Variants in ZFHX2 observed in about 807,000 individuals in gnomAD.
The protein encoded by ZFHX2 is zinc finger homeobox 2, also known as zinc finger homeobox protein 2.
ZFHX2 carries 75 observed loss-of-function variants against 164.8 expected under a neutral mutation model. The ratio of observed to expected loss-of-function variants is 0.46; its 90% CI spans 0.38 to 0.55. ZFHX2 has a LOEUF of 0.55. Ranked by LOEUF, ZFHX2 falls within the 20% of genes least tolerant of loss-of-function variation. The pLI is 0.00. For missense variants in ZFHX2, 2,933 were observed against 3,308.0 expected (o/e 0.89, Z 2.78); for synonymous variants, 1,217 against 1,351.4 (o/e 0.90, Z 2.18).
intron 5 of ZFHX2, 26 bp downstream of exon 5, chr14:23,530,094 C>CT: frequency 6.5e-7 from 1 of 1,528,152 alleles, no homozygotes; most frequent in Non-Finnish European, 8.8e-7. Flanking sequence ...GGTAGGAGGA[C>CT]TGGGGGGAAG....
In ZFHX2 at chr14:23,523,941, G is replaced by GAGGT; in HGVS notation, c.5997_6000dup (p.Pro2001ThrfsTer7). The GAGGT allele has an allele frequency of 6.5e-7, 1 of 1,535,996 alleles. No homozygotes were observed. The highest frequency in any genetic ancestry group is 8.7e-7 in the Non-Finnish European group (1 of 1,146,758). On this transcript the variant is annotated frameshift_variant, in exon 9 of 10. Coordinates refer to ENST00000419474, the MANE Select transcript of ZFHX2 (RefSeq NM_033400.3). LOFTEE classifies it high-confidence loss of function. The surrounding 1 kb of genome is among the most constrained non-coding windows in gnomAD (Gnocchi z 4.1). ...CCCTCTTCCTCACTGGGTGGAGGGG[G>GAGGT]AGGTAGGAGAGGTAGAGGTGGCTCT... is the stretch of plus-strand genomic sequence containing the variant.
chr14:23,552,969 C>T (rs1882086783), upstream of ZFHX2, among the ~76,000 whole-genome samples: 3 of 152,138 alleles, frequency 2.0e-5, no homozygotes, highest in South Asian at 6.2e-4. Flanking sequence ...AGCACTTTTA[C>T]ATACATTGTT....
At position 23,534,180 on chromosome 14, in the gene ZFHX2, A is replaced by G. The variant is rs2138790591; in HGVS notation, c.1146T>C (p.Asp382=). Residue 382 remains aspartate, a synonymous_variant, in exon 2 of 10, where the codon GAT becomes GAC. Coordinates refer to ENST00000419474, the MANE Select transcript of ZFHX2 (RefSeq NM_033400.3). This position sits in a 1 kb window ranked among gnomAD's most constrained non-coding sequence, Gnocchi z 4.5. ...PDWFPEGQEE[D]GGLCPPLNQS... ...GGTTGAGTGGGGGGCAGAGCCCTCC[A>G]TCCTCTTCTTGCCCCTCAGGGAACC... The G allele has an allele frequency of 6.8e-7, 1 of 1,476,282 alleles. No individual in the cohort carries two copies. Among genetic ancestry groups the G allele is most frequent in the East Asian group, 2.5e-5 (1 of 40,418 alleles). 91.4% of individuals were successfully genotyped at this position (1,476,282 alleles called of 1,614,324 possible). A position where few individuals can be genotyped will look rare whatever the true frequency, so the allele number is the denominator to read the frequency against.
chr14:23,555,387 G>A (rs1190065052), upstream of ZFHX2, among the ~76,000 whole-genome samples: 6 of 152,132 alleles, frequency 3.9e-5, no homozygotes, highest in Non-Finnish European at 7.4e-5. Flanking sequence ...CCTCAGTCTA[G>A]CACTCAAGGC....
At chr14:23,529,208 G>A (rs1293646372) in intron 6 of ZFHX2, among the ~76,000 whole-genome samples, 1 of 152,186 alleles carries the variant, frequency 6.6e-6, no homozygotes, top group East Asian at 1.9e-4. Context: ...GAGTCCTGGG[G>A]ATTTAGAGAT....
rs932961746 is a variant in ZFHX2 at position 23,524,829 on chromosome 14, C to T, written c.5113G>A (p.Ala1705Thr). ...DQTLEEEEEE[A>T]ERGEEEEEVE... ...TCTTCCTCCTCTTCCCCTCTCTCTG[C>T]CTCTTCCTCCTCCTCTTCAAGGGTC... is the stretch of plus-strand genomic sequence containing the variant. The change falls in exon 9 of 10, where the codon GCA becomes ACA. Residue 1705 changes from alanine to threonine, a missense_variant. By Grantham distance (58) the Ala-to-Thr change is moderately conservative (BLOSUM62 0). Transcript: ENST00000419474. This position sits in a 1 kb window ranked among gnomAD's most constrained non-coding sequence, Gnocchi z 5.6. The T allele has an allele frequency of 6.5e-7, 1 of 1,537,058 alleles. No homozygotes were observed. The highest frequency in any genetic ancestry group is 1.2e-5 in the South Asian group (1 of 84,078).
At position 23,524,351 on chromosome 14, in the gene ZFHX2, A is replaced by T; in HGVS notation, c.5591T>A (p.Ile1864Asn). Reference protein sequence around the residue: ...PPRDKRLRTTILPEQLEILYR... With the variant: ...PPRDKRLRTTNLPEQLEILYR... ...CAGGATCTCTAGCTGCTCAGGCAAG[A>T]TGGTGGTGCGCAGGCGCTTGTCCCT... Residue 1864 changes from isoleucine to asparagine, a missense_variant, in exon 9 of 10, where the codon ATC (isoleucine) becomes AAC (asparagine). Coordinates refer to ENST00000419474, the MANE Select transcript of ZFHX2 (RefSeq NM_033400.3). The surrounding 1 kb of genome is among the most constrained non-coding windows in gnomAD (Gnocchi z 5.6). 2 of 1,536,254 alleles carry T rather than the reference A, an allele frequency of 1.3e-6. No homozygotes were observed. The highest frequency in any genetic ancestry group is 1.7e-6 in the Non-Finnish European group (2 of 1,146,936).
intron 3 of ZFHX2, chr14:23,531,926 G>GC (rs2138767416): frequency 1.8e-6 from 1 of 558,144 alleles, no homozygotes; most frequent in East Asian, 3.7e-5. Flanking sequence ...ACAGGCATGC[G>GC]CACCACACCT....
Position 23,525,057 on chromosome 14 carries a change from C to T in ZFHX2, c.4885G>A (p.Ala1629Thr), listed in dbSNP as rs1030649082. The T allele has an allele frequency of 1.4e-5, 21 of 1,536,036 alleles. No homozygotes were observed. Among genetic ancestry groups the T allele is most frequent in the East Asian group, 2.4e-5 (1 of 40,924 alleles). ...YPKDGEVERL[A>T]SLLGLASRVV... ...CGGCTAGCCAGACCCAACAGACTTG[C>T]GAGTCGCTCCACCTCTCCGTCTTTG... The change falls in exon 9 of 10, where the codon GCA (alanine) becomes ACA (threonine). Residue 1629 changes from alanine to threonine, a missense_variant. Physicochemically the swap from Ala to Thr is moderately conservative, Grantham distance 58 (BLOSUM62 0). Coordinates refer to ENST00000419474, the MANE Select transcript of ZFHX2 (RefSeq NM_033400.3). The surrounding 1 kb of genome is among the most constrained non-coding windows in gnomAD (Gnocchi z 5.9).
chr14:23,545,603 T>C (rs1312891658), intron 1 of ZFHX2, among the ~76,000 whole-genome samples: 1 of 152,220 alleles, frequency 6.6e-6, no homozygotes, highest in Non-Finnish European at 1.5e-5. Flanking sequence ...TAATTTCAAG[T>C]GCACTTCTTT....
rs1280501844 is a variant in ZFHX2, at chr14:23,532,699, A to G, written c.2427T>C (p.Asp809=). The G allele has an allele frequency of 1.3e-6, 2 of 1,532,004 alleles. No individual in the cohort carries two copies. The highest frequency in any genetic ancestry group is 3.9e-5 in the Admixed American group (2 of 50,832). The allele number at this position is 1,532,004 out of a possible 1,614,324, so 94.9% of individuals were successfully genotyped here. A position where few individuals can be genotyped will look rare whatever the true frequency, so the allele number is the denominator to read the frequency against. The change falls in exon 3 of 10, where the codon GAT becomes GAC. Residue 809 remains aspartate, a synonymous_variant. Transcript: ENST00000419474. ...GGGAGACAGACCCATAAGGAGCCCCATCTCCCAGGGATGCTGGGGAAGGGG... is the reference window on the plus strand; with the variant it reads ...GGGAGACAGACCCATAAGGAGCCCCGTCTCCCAGGGATGCTGGGGAAGGGG... ...MGTPSPASLG[D]GAPYGSVSPL... is the part of the protein sequence containing the mutation.
Position 23,523,127 on chromosome 14 carries a change from A to G in ZFHX2, c.6739+76T>C. 4 of 1,400,016 alleles carry G rather than the reference A, an allele frequency of 2.9e-6. No homozygotes were observed. Among genetic ancestry groups the G allele is most frequent in the Non-Finnish European group, 3.7e-6 (4 of 1,082,490 alleles). 86.7% of individuals were successfully genotyped at this position (1,400,016 alleles called of 1,614,324 possible). On this transcript the variant is annotated intron_variant, in intron 9 of 9. Coordinates refer to ENST00000419474, the MANE Select transcript of ZFHX2 (RefSeq NM_033400.3). The surrounding 1 kb of genome is among the most constrained non-coding windows in gnomAD (Gnocchi z 4.1). ...CAGGAGATTGGGCATGGGAAGAATC[A>G]GGAAGGAAAAGGAAGGGCATGTCAT...
At chr14:23,542,377 C>T (rs1880915101) in intron 1 of ZFHX2, 2 of 151,662 alleles carry the variant, frequency 1.3e-5, no homozygotes, top group African/African-American at 4.9e-5. Context: ...CACACGTTCA[C>T]ATTTGCATGG....
intron 3 of ZFHX2, 73 bp from the exon 4 acceptor site, chr14:23,531,794 T>C (rs1566582809): frequency 5.5e-6 from 7 of 1,265,514 alleles, no homozygotes; most frequent in African/African-American, 1.5e-5. Context: ...TTTTTTTTTT[T>C]CTAGAGAGAG....
chr14:23,532,627 C>G lies in ZFHX2; in HGVS notation c.2499G>C (p.Lys833Asn). The G allele has an allele frequency of 6.8e-7, 1 of 1,463,324 alleles. No individual in the cohort carries two copies. The highest frequency in any genetic ancestry group is 9.0e-7 in the Non-Finnish European group (1 of 1,109,460). 90.6% of individuals were successfully genotyped at this position (1,463,324 alleles called of 1,614,324 possible). A position where few individuals can be genotyped will look rare whatever the true frequency, so the allele number is the denominator to read the frequency against. Residue 833 changes from lysine (K) to asparagine (N), a missense_variant, in exon 3 of 10, where the codon AAG (lysine) becomes AAC (asparagine). Coordinates refer to ENST00000419474, the MANE Select transcript of ZFHX2 (RefSeq NM_033400.3). ...CNICDFESNS[K>N]EKMQLHARGA... The stretch of plus-strand genomic sequence containing the variant: ...CCCTGGCATGCAGCTGCATCTTCTC[C>G]TTGCTGTTGGACTCAAAGTCACAGA...
chr14:23,526,054 C>T lies in ZFHX2; in HGVS notation c.3888G>A (p.Lys1296=). 6.5e-7 allele frequency: 1 copy of T among 1,536,498 alleles called. No individual in the cohort carries two copies. Among genetic ancestry groups the T allele is most frequent in the Non-Finnish European group, 8.7e-7 (1 of 1,146,950 alleles). Residue 1296 remains lysine (K), a synonymous_variant, in exon 9 of 10, where the codon AAG becomes AAA. Coordinates refer to ENST00000419474, the MANE Select transcript of ZFHX2 (RefSeq NM_033400.3). ...CCACCTCCCCCTCTGTCTCGCCTTCCTTGGGCTCTTCTTGGCTGCGTTCTG... is the reference window on the plus strand; with the variant it reads ...CCACCTCCCCCTCTGTCTCGCCTTCTTTGGGCTCTTCTTGGCTGCGTTCTG... ...EGPERSQEEP[K]EGETEGEVGT...
Position 23,523,329 on chromosome 14 carries a change from G to A in ZFHX2, c.6613C>T (p.Pro2205Ser). ...PEAPPALKAPPATTPASMPLG... is the reference protein window; with the variant it reads ...PEAPPALKAPSATTPASMPLG... ...GGCATGGAGGCAGGTGTGGTGGCAG[G>A]TGGGGCCTTGAGAGCTGGGGGAGCC... Residue 2205 changes from proline (P) to serine (S), a missense_variant, in exon 9 of 10, where the codon CCT becomes TCT. Coordinates refer to ENST00000419474, the MANE Select transcript of ZFHX2 (RefSeq NM_033400.3). The surrounding 1 kb of genome is among the most constrained non-coding windows in gnomAD (Gnocchi z 4.1). 6.9e-7 allele frequency: 1 copy of A among 1,457,588 alleles called. No individual in the cohort carries two copies. The highest frequency in any genetic ancestry group is 9.0e-7 in the Non-Finnish European group (1 of 1,108,484). The allele number at this position is 1,457,588 out of a possible 1,614,324, so 90.3% of individuals were successfully genotyped here. A position where few individuals can be genotyped will look rare whatever the true frequency, so the allele number is the denominator to read the frequency against.
In ZFHX2 at chr14:23,524,557, A is replaced by G; in HGVS notation, c.5385T>C (p.Ser1795=). 7 of 1,532,104 alleles carry G rather than the reference A, an allele frequency of 4.6e-6. No homozygotes were observed. The highest frequency in any genetic ancestry group is 5.2e-6 in the Non-Finnish European group (6 of 1,144,504). 94.9% of individuals were successfully genotyped at this position (1,532,104 alleles called of 1,614,324 possible). Residue 1795 remains serine (S), a synonymous_variant, in exon 9 of 10, where the codon TCT becomes TCC. Transcript: ENST00000419474. The surrounding 1 kb of genome is among the most constrained non-coding windows in gnomAD (Gnocchi z 5.6). The part of the protein sequence containing the change: ...TSHRRLHFLP[S]LQPSAPPQLL... ...GTTGGGGGGGAGCACTGGGCTGCAG[A>G]GATGGCAGGAAATGTAGTCGGCGGT...
rs777700251 is a variant in ZFHX2 at position 23,527,675 on chromosome 14, G to A, written c.3064C>T (p.Pro1022Ser). 3 of 1,536,330 alleles carry A rather than the reference G, an allele frequency of 2.0e-6. No homozygotes were observed. The South Asian group carries it at 3.6e-5, about 18-fold the overall frequency. ...PLCQEQLVGR[P>S]ALHFHLSHLH... ...TGGCTAAGGTGGAAGTGCAGGGCAG[G>A]CCGGCCCACCAGCTGTTCCTGGCAC... Residue 1022 changes from proline (P) to serine (S), a missense_variant, in exon 7 of 10, where the codon CCT becomes TCT. Transcript: ENST00000419474.
Sources: allele counts gnomAD v4.1 joint callset (sites outside exome capture counted in the v4.1 genomes callset), GRCh38; gene constraint gnomAD v4.1.1; non-coding constraint Gnocchi (gnomAD v3.1); transcripts MANE v1.5; gene names NCBI Gene and HGNC (gene_info 2026-07-23, HGNC 2026-07-21).